KIFAP3: variants seen among roughly 807,000 people sequenced by gnomAD.
KIFAP3 encodes kinesin-associated protein 3.
In KIFAP3, 68 loss-of-function variants were observed where a neutral mutation model predicts 106.5. The ratio of observed to expected loss-of-function variants is 0.64; its 90% CI spans 0.53 to 0.78. The LOEUF is 0.78. Among genes scored for constraint, KIFAP3 ranks in the 30% least tolerant of loss-of-function variants. The pLI, the probability that KIFAP3 is intolerant of heterozygous loss-of-function variation, is 0.00. For synonymous variants in KIFAP3, 320 were observed against 311.5 expected (o/e 1.03, Z -0.29); for missense variants, 780 against 941.8 (o/e 0.83, Z 2.25).
intron 8 of KIFAP3, among the ~76,000 whole-genome samples, chr1:170,025,717 T>A (rs963097894): frequency 1.3e-5 from 2 of 152,130 alleles, no homozygotes; most frequent in East Asian, 3.9e-4. Context: ...AAAGTGGTAG[T>A]GCTAAATTAA....
rs1671851637 is a variant in KIFAP3 at position 170,074,603 on chromosome 1, G to A, written c.-136C>T. ...GAGGCCTGCAAGGCGGGGCAGCAGC[G>A]GCGCTGTGGTTACCACGGTGAAGCC... On this transcript the variant is annotated 5_prime_UTR_variant, in exon 1 of 20. Coordinates refer to ENST00000361580, the MANE Select transcript of KIFAP3 (RefSeq NM_014970.4). 3 of 1,529,584 alleles carry A rather than the reference G, an allele frequency of 2.0e-6. No individual in the cohort carries two copies. The highest frequency in any genetic ancestry group is 2.4e-5 in the East Asian group (1 of 41,032). The allele number at this position is 1,529,584 out of a possible 1,614,324, so 94.8% of individuals were successfully genotyped here.
At chr1:169,958,776 T>A (rs1456763869) in intron 18 of KIFAP3, among the ~76,000 whole-genome samples, 2 of 152,164 alleles carry the variant, frequency 1.3e-5, no homozygotes. Context: ...ATTTCCTCTA[T>A]GGGTAAAAGT....
rs1334304107 is a variant in KIFAP3, at chr1:170,055,952, C to T, written c.33-516G>A. On this transcript the variant is annotated intron_variant, in intron 1 of 19. Coordinates refer to ENST00000361580, the MANE Select transcript of KIFAP3 (RefSeq NM_014970.4). ...TTTGAGACCAGCCCAGGTAACATAGCGAGACTCTGTTTCTACAAAAAATTT... is the reference window on the plus strand; with the variant it reads ...TTTGAGACCAGCCCAGGTAACATAGTGAGACTCTGTTTCTACAAAAAATTT... Among the ~76,000 whole-genome samples the T allele has an allele frequency of 3.3e-5, 5 of 151,918 alleles. No homozygotes were observed. The East Asian group carries it at 9.7e-4, about 29-fold the overall frequency.
intron 19 of KIFAP3, among the ~76,000 whole-genome samples, chr1:169,936,931 A>G (rs1052359607): frequency 1.4e-5 from 2 of 143,816 alleles, no homozygotes; most frequent in Admixed American, 1.5e-4. Flanking sequence ...TAAACATCTG[A>G]GTTCTCCTTA....
chr1:170,054,829 G>C (rs1483278742), intron 2 of KIFAP3, among the ~76,000 whole-genome samples: 2 of 152,078 alleles, frequency 1.3e-5, no homozygotes, highest in African/African-American at 4.8e-5. Context: ...GACAAGGGGA[G>C]GGAGAGCATT....
intron 1 of KIFAP3, among the ~76,000 whole-genome samples, chr1:170,056,199 T>C (rs1670846347): frequency 6.6e-6 from 1 of 152,144 alleles, no homozygotes; most frequent in African/African-American, 2.4e-5. Context: ...ATATATGTCA[T>C]GTATCATCTA....
intron 1 of KIFAP3, among the ~76,000 whole-genome samples, chr1:170,084,122 G>A (rs1006250457): frequency 1.3e-5 from 2 of 152,148 alleles, no homozygotes; most frequent in East Asian, 3.9e-4. Flanking sequence ...GCTAAAGATG[G>A]TTTCTGAGGG....
chr1:169,946,707 T>A (rs145333015), intron 19 of KIFAP3, among the ~76,000 whole-genome samples: 25 of 152,156 alleles, frequency 1.6e-4, no homozygotes, highest in Middle Eastern at 6.8e-3. Context: ...AAGATTTAAA[T>A]GCAAGATAAA....
intron 10 of KIFAP3, among the ~76,000 whole-genome samples, chr1:170,016,187 C>T (rs1226377654): frequency 6.6e-6 from 1 of 151,712 alleles, no homozygotes; most frequent in Admixed American, 6.6e-5. Context: ...TTCCTTCTTG[C>T]TTCCTTATTT....
At chr1:170,072,424 C>T (rs559576743) in intron 1 of KIFAP3, among the ~76,000 whole-genome samples, 1 of 152,168 alleles carries the variant, frequency 6.6e-6, no homozygotes, top group Admixed American at 6.5e-5. Context: ...TATACCTGAC[C>T]TGGATTGTGA....
chr1:169,923,336 G>C (rs1248231833), intron 19 of KIFAP3, among the ~76,000 whole-genome samples: 2 of 152,168 alleles, frequency 1.3e-5, no homozygotes, highest in Non-Finnish European at 2.9e-5. Context: ...CTTAAAAGAT[G>C]CTTCAGAAAT....
At chr1:169,931,148 G>C (rs1479291992) in intron 19 of KIFAP3, among the ~76,000 whole-genome samples, 1 of 152,018 alleles carries the variant, frequency 6.6e-6, no homozygotes, top group African/African-American at 2.4e-5. Context: ...TCGAACTCCT[G>C]AACTCAGGTG....
chr1:170,074,413 A>G lies in KIFAP3; in HGVS notation c.32+23T>C, dbSNP rs1459133417. 4 of 1,613,636 alleles carry G rather than the reference A, an allele frequency of 2.5e-6. No individual in the cohort carries two copies. In the South Asian group the frequency reaches 4.4e-5, roughly 18 times the overall value. ...TCAGGGCCCTGGCAAGGAGGGTAGG[A>G]CAGAGCCTTGGGGAGTCGTCACCTT... On this transcript the variant is annotated intron_variant, in intron 1 of 19. Transcript: ENST00000361580.
intron 1 of KIFAP3, among the ~76,000 whole-genome samples, chr1:170,069,099 C>CA (rs141344439): frequency 0.043 from 6,526 of 151,964 alleles, 453 homozygotes; most frequent in African/African-American, 0.15. Flanking sequence ...ATATGAACAC[C>CA]AACAAATTGG....
chr1:169,927,986 A>C (rs894764900), intron 19 of KIFAP3, among the ~76,000 whole-genome samples: 2 of 152,194 alleles, frequency 1.3e-5, no homozygotes, highest in Non-Finnish European at 2.9e-5. Context: ...AAAATCATGA[A>C]CACTGAAGAA....
intron 1 of KIFAP3, among the ~76,000 whole-genome samples, chr1:170,070,666 C>T (rs979071374): frequency 2.6e-5 from 4 of 151,972 alleles, no homozygotes; most frequent in Admixed American, 6.6e-5. Flanking sequence ...CAATAACTAA[C>T]TCGAGATGGA....
chr1:169,983,595 C>A (rs1230311824), intron 12 of KIFAP3, among the ~76,000 whole-genome samples: 1 of 151,908 alleles, frequency 6.6e-6, no homozygotes, highest in Non-Finnish European at 1.5e-5. Flanking sequence ...CCTTCCCAGT[C>A]AATCCTGTTT....
intron 1 of KIFAP3, among the ~76,000 whole-genome samples, chr1:170,056,111 T>TAA (rs549722446): frequency 0.028 from 4,040 of 145,360 alleles, 78 homozygotes; most frequent in Non-Finnish European, 0.044. Context: ...CTGTCTCCAT[T>TAA]AAAAAAAAAA....
At chr1:170,026,018 GA>G (rs1181867044) in intron 8 of KIFAP3, among the ~76,000 whole-genome samples, 4 of 152,126 alleles carry the variant, frequency 2.6e-5, no homozygotes, top group Non-Finnish European at 5.9e-5. Context: ...GGTGTCTTAA[GA>G]AGAGGAGGAG....
Sources: allele counts gnomAD v4.1 joint callset (sites outside exome capture counted in the v4.1 genomes callset), GRCh38; gene constraint gnomAD v4.1.1; transcripts MANE v1.5; gene names NCBI Gene and HGNC (gene_info 2026-07-23, HGNC 2026-07-21).